DYNC1I1: variants seen among roughly 807,000 people sequenced by gnomAD.
DYNC1I1 encodes cytoplasmic dynein 1 intermediate chain 1.
A neutral mutation model predicts 86.6 loss-of-function variants in DYNC1I1; 43 were observed. That is an observed-to-expected ratio of 0.50 (90% confidence interval 0.39 to 0.64). The LOEUF (loss-of-function observed/expected upper bound fraction) is 0.64, where lower values mean the gene tolerates loss of function less well. Among genes scored for constraint, DYNC1I1 ranks in the 30% least tolerant of loss-of-function variants. DYNC1I1 has a pLI of 0.00. For synonymous variants in DYNC1I1, 262 were observed against 283.7 expected, an observed-to-expected ratio of 0.92 and a Z score of 0.77; for missense variants, 604 against 788.8, an observed-to-expected ratio of 0.77 and a Z score of 2.81.
intron 14 of DYNC1I1, among the ~76,000 whole-genome samples, chr7:96,048,068 A>G (rs1789272764): frequency 6.6e-6 from 1 of 152,148 alleles, no homozygotes. Context: ...AGTCAGAGGC[A>G]GTTATCTGTT....
chr7:96,091,785 T>G (rs568109698), intron 16 of DYNC1I1, among the ~76,000 whole-genome samples: 2 of 152,222 alleles, frequency 1.3e-5, no homozygotes, highest in African/African-American at 4.8e-5. Flanking sequence ...TGTTTAACCC[T>G]GGTTATAAAA....
chr7:95,925,851 G>A (rs73710553), intron 6 of DYNC1I1, among the ~76,000 whole-genome samples: 1,639 of 152,124 alleles, frequency 0.011, 23 homozygotes, highest in African/African-American at 0.037. Context: ...ACGTTATTTT[G>A]TCTTCTTTAG....
chr7:96,080,399 G>A lies in DYNC1I1; in HGVS notation c.1687G>A (p.Ala563Thr). ...TASVAIEGAS[A>T]LNRVRWAQAG... The stretch of plus-strand genomic sequence containing the variant: ...AAGTGTGGCCATTGAGGGGGCATCC[G>A]CCCTAAACCGTGTTCGTTGGGCCCA... Residue 563 changes from alanine (A) to threonine (T), a missense_variant, in exon 16 of 17, where the codon GCC becomes ACC. By Grantham distance (58) the Ala-to-Thr change is moderately conservative. Transcript: ENST00000447467. The A allele has an allele frequency of 1.2e-6, 2 of 1,613,610 alleles. No individual in the cohort carries two copies. The highest frequency in any genetic ancestry group is 1.7e-6 in the Non-Finnish European group (2 of 1,179,772).
At chr7:96,105,477 T>G (rs1382432942) in intron 16 of DYNC1I1, among the ~76,000 whole-genome samples, 1 of 152,164 alleles carries the variant, frequency 6.6e-6, no homozygotes, top group Non-Finnish European at 1.5e-5. Flanking sequence ...TGACATTTTT[T>G]AATGGTAATC....
chr7:95,926,163 A>G (rs951276256), intron 6 of DYNC1I1, among the ~76,000 whole-genome samples: 3 of 152,178 alleles, frequency 2.0e-5, no homozygotes, highest in African/African-American at 7.2e-5. Context: ...TGAGCAATTC[A>G]ATTTCTGGGA....
chr7:95,930,430 A>G (rs1791860744), intron 6 of DYNC1I1, among the ~76,000 whole-genome samples: 2 of 152,164 alleles, frequency 1.3e-5, no homozygotes, highest in Admixed American at 6.5e-5. Context: ...GGCTATTTAT[A>G]TTTCAATGTT....
chr7:96,080,426 G>A lies in DYNC1I1; in HGVS notation c.1714G>A (p.Ala572Thr). 1.2e-6 allele frequency: 2 copies of A among 1,614,214 alleles called. No homozygotes were observed. Among genetic ancestry groups the A allele is most frequent in the South Asian group, 2.2e-5 (2 of 91,080 alleles). Residue 572 changes from alanine (A) to threonine (T), a missense_variant, in exon 16 of 17, where the codon GCT becomes ACT. Coordinates refer to ENST00000447467, the MANE Select transcript of DYNC1I1 (RefSeq NM_001135556.2). The stretch of plus-strand genomic sequence containing the variant: ...CCTAAACCGTGTTCGTTGGGCCCAA[G>A]CTGGCAAAGAAGTTGCTGTTGGGGA... Reference protein sequence around the residue: ...SALNRVRWAQAGKEVAVGDSE... With the variant: ...SALNRVRWAQTGKEVAVGDSE...
chr7:95,798,193 G>T (rs138150375), intron 1 of DYNC1I1, among the ~76,000 whole-genome samples: 170 of 152,304 alleles, frequency 1.1e-3, no homozygotes, highest in African/African-American at 3.9e-3. Context: ...GGTATTAGTA[G>T]AACAGTCCTG....
At chr7:95,814,624 A>G (rs1245265696) in intron 4 of DYNC1I1, among the ~76,000 whole-genome samples, 1 of 152,190 alleles carries the variant, frequency 6.6e-6, no homozygotes, top group Non-Finnish European at 1.5e-5. Context: ...AGATCTGGAC[A>G]TGAAGATAAT....
intron 6 of DYNC1I1, among the ~76,000 whole-genome samples, chr7:95,951,645 C>T (rs551053962): frequency 2.6e-5 from 4 of 152,214 alleles, no homozygotes; most frequent in East Asian, 1.9e-4. Context: ...TTTCAAATGC[C>T]TCTAGTTCAT....
intron 16 of DYNC1I1, among the ~76,000 whole-genome samples, chr7:96,085,191 C>T (rs955057948): frequency 6.6e-6 from 1 of 152,160 alleles, no homozygotes; most frequent in Admixed American, 6.5e-5. Context: ...CCCCCATGAC[C>T]ATGCCTTTCT....
chr7:95,904,026 A>G (rs946928041), intron 6 of DYNC1I1, among the ~76,000 whole-genome samples: 1 of 152,172 alleles, frequency 6.6e-6, no homozygotes, highest in Non-Finnish European at 1.5e-5. Context: ...GCAACATTTT[A>G]TGGCTAGATC....
chr7:95,976,801 C>T (rs1584217941), intron 6 of DYNC1I1, among the ~76,000 whole-genome samples: 1 of 152,078 alleles, frequency 6.6e-6, no homozygotes. Context: ...ATGGAAGGGG[C>T]CTCTAGGAAA....
At chr7:95,804,674 A>C in intron 1 of DYNC1I1, 47 bp from the exon 2 acceptor site, 1 of 1,492,950 alleles carries the variant, frequency 6.7e-7, no homozygotes, top group Non-Finnish European at 8.9e-7. Context: ...TGATATACAG[A>C]AAAGTTATTT....
chr7:95,942,188 A>T (rs1685808), intron 6 of DYNC1I1, among the ~76,000 whole-genome samples: 99,928 of 151,520 alleles, frequency 0.66, 34,073 homozygotes, highest in East Asian at 0.86. Context: ...GATAAAGGGA[A>T]TATCACCACC....
At chr7:95,824,664 A>T (rs565576952) in intron 4 of DYNC1I1, among the ~76,000 whole-genome samples, 1 of 152,324 alleles carries the variant, frequency 6.6e-6, no homozygotes, top group Non-Finnish European at 1.5e-5. Context: ...TTAAAATATC[A>T]GGCAGAGAAG....
downstream of DYNC1I1, among the ~76,000 whole-genome samples, chr7:96,099,233 A>G (rs1262092464): frequency 6.6e-6 from 1 of 152,226 alleles, no homozygotes; most frequent in East Asian, 1.9e-4. Flanking sequence ...TGAGTCACTT[A>G]CAGTAGGCAC....
intron 3 of DYNC1I1, among the ~76,000 whole-genome samples, chr7:95,812,862 T>G (rs1432045100): frequency 6.6e-6 from 1 of 152,152 alleles, no homozygotes; most frequent in Non-Finnish European, 1.5e-5. Context: ...TGTTTTATTT[T>G]TAATAGGTCA....
intron 10 of DYNC1I1, among the ~76,000 whole-genome samples, chr7:96,027,665 A>G (rs1202531772): frequency 4.6e-5 from 7 of 152,180 alleles, no homozygotes; most frequent in African/African-American, 1.7e-4. Flanking sequence ...TACTTCCTGG[A>G]AGTCTACATT....
Sources: gnomAD v4.1 joint callset for allele counts (sites outside exome capture counted in the v4.1 genomes callset) on GRCh38, gnomAD v4.1.1 for gene constraint, MANE v1.5 for transcripts, NCBI Gene and HGNC (gene_info 2026-07-23, HGNC 2026-07-21) for gene names.